Variants in TASP1 observed in about 807,000 individuals in gnomAD.
TASP1 encodes the protein threonine aspartase 1.
Under a neutral mutation model 56.6 loss-of-function variants are expected in TASP1, and 16 were observed. The ratio of observed to expected loss-of-function variants is 0.28; its 90% confidence interval spans 0.19 to 0.43. The LOEUF (loss-of-function observed/expected upper bound fraction) is 0.43, where lower values mean the gene tolerates loss of function less well. Ranked by LOEUF, TASP1 falls within the 20% of genes least tolerant of loss-of-function variation. The pLI is 1.00. For missense variants in TASP1, 393 were observed against 511.6 expected (o/e 0.77, Z 2.24); for synonymous variants, 179 against 184.2 (o/e 0.97, Z 0.23).
chr20:13,474,213 G>C (rs1030589915), intron 11 of TASP1, among the ~76,000 whole-genome samples: 4 of 152,188 alleles, frequency 2.6e-5, no homozygotes, highest in Non-Finnish European at 5.9e-5. Context: ...GGTTATTTCT[G>C]ATATTTTAGT....
the TASP1 span, among the ~76,000 whole-genome samples, chr20:13,122,227 G>T: frequency 6.6e-6 from 1 of 152,188 alleles, no homozygotes; most frequent in Non-Finnish European, 1.5e-5. Context: ...CTCCATCCCT[G>T]CTCTCAAGGA....
At chr20:13,252,962 C>T in the TASP1 span, among the ~76,000 whole-genome samples, 1 of 152,160 alleles carries the variant, frequency 6.6e-6, no homozygotes, top group Non-Finnish European at 1.5e-5. Context: ...TAATCTTCTG[C>T]CAGACCTCTG....
chr20:13,149,239 T>C, the TASP1 span, among the ~76,000 whole-genome samples: 782 of 152,344 alleles, frequency 5.1e-3, 4 homozygotes, highest in African/African-American at 0.018. Flanking sequence ...ACTACTTAAT[T>C]GGAGACTCTG....
chr20:13,422,924 T>C lies in TASP1; in HGVS notation c.1097-5403A>G, dbSNP rs139252002. 1.4e-3 allele frequency among the ~76,000 whole-genome samples: 218 copies of C among 152,340 alleles called. 3 individuals carry two copies. In the Middle Eastern group the frequency reaches 0.017, roughly 12 times the overall value. On this transcript the variant is annotated intron_variant, in intron 12 of 13. Coordinates refer to ENST00000337743, the MANE Select transcript of TASP1 (RefSeq NM_017714.3). ...TGGATTACAAATAAATGTTAGCAAG[T>C]AGGCAAATTAACAAATACAGAATCC... is the stretch of plus-strand genomic sequence containing the variant.
chr20:13,258,373 T>C, the TASP1 span, among the ~76,000 whole-genome samples: 4 of 152,036 alleles, frequency 2.6e-5, no homozygotes, highest in Non-Finnish European at 4.4e-5. Context: ...AGATGTGAGC[T>C]CTCCCTGGCT....
chr20:13,353,966 A>G, the TASP1 span, among the ~76,000 whole-genome samples: 1 of 152,216 alleles, frequency 6.6e-6, no homozygotes, highest in African/African-American at 2.4e-5. Context: ...AAACTTCAAA[A>G]AGTCTCACAA....
intron 11 of TASP1, among the ~76,000 whole-genome samples, chr20:13,462,043 G>A (rs1310968715): frequency 6.6e-6 from 1 of 152,086 alleles, no homozygotes; most frequent in African/African-American, 2.4e-5. Flanking sequence ...AAGGAGGCAG[G>A]ACCATCAGAG....
the TASP1 span, among the ~76,000 whole-genome samples, chr20:13,105,393 T>A: frequency 6.6e-6 from 1 of 152,150 alleles, no homozygotes; most frequent in Non-Finnish European, 1.5e-5. Context: ...CACAACGAAG[T>A]CCCTGACTTG....
chr20:13,399,968 C>T (rs2123642415), intron 13 of TASP1, among the ~76,000 whole-genome samples: 1 of 152,302 alleles, frequency 6.6e-6, no homozygotes, highest in East Asian at 1.9e-4. Context: ...TCTTGCCTTG[C>T]TCCCATAAAT....
chr20:13,593,388 C>T (rs936453440), intron 4 of TASP1, among the ~76,000 whole-genome samples: 5 of 152,062 alleles, frequency 3.3e-5, no homozygotes, highest in South Asian at 2.1e-4. Flanking sequence ...GAGGGTGAGC[C>T]GAAGCTGGGT....
the TASP1 span, among the ~76,000 whole-genome samples, chr20:13,159,751 A>G: frequency 6.6e-6 from 1 of 152,168 alleles, no homozygotes; most frequent in South Asian, 2.1e-4. Flanking sequence ...ATCCACAATT[A>G]TCTAATGAGT....
At chr20:13,487,835 T>C (rs866441977) in intron 10 of TASP1, among the ~76,000 whole-genome samples, 27 of 152,320 alleles carry the variant, frequency 1.8e-4, no homozygotes, top group Middle Eastern at 6.8e-3. Context: ...ATTTTAGGCT[T>C]TGAATGCTAC....
intron 4 of TASP1, among the ~76,000 whole-genome samples, chr20:13,609,408 G>A (rs912127009): frequency 3.9e-5 from 6 of 152,150 alleles, no homozygotes; most frequent in African/African-American, 1.4e-4. Flanking sequence ...CACAGGCCAA[G>A]CGCGGTGGCT....
intron 6 of TASP1, among the ~76,000 whole-genome samples, chr20:13,576,215 G>T (rs2046901812): frequency 7.1e-6 from 1 of 141,796 alleles, no homozygotes; most frequent in Non-Finnish European, 1.5e-5. Context: ...AGGGGGAGGG[G>T]AGGGGAGGGG....
At chr20:13,129,309 G>C in the TASP1 span, among the ~76,000 whole-genome samples, 1 of 152,116 alleles carries the variant, frequency 6.6e-6, no homozygotes, top group Admixed American at 6.5e-5. Flanking sequence ...TCTTAAACAG[G>C]TATCTTTTAA....
intron 13 of TASP1, 68 bp downstream of exon 13, chr20:13,417,380 C>T (rs1211423898): frequency 3.2e-6 from 5 of 1,558,976 alleles, no homozygotes; most frequent in Admixed American, 1.8e-5. Context: ...TCCACATCAA[C>T]TTAGCTGGTT....
intron 11 of TASP1, among the ~76,000 whole-genome samples, 189 bp from the exon 12 acceptor site, chr20:13,435,343 G>A (rs2042964314): frequency 6.6e-6 from 1 of 152,078 alleles, no homozygotes; most frequent in African/African-American, 2.4e-5. Flanking sequence ...GGGGCCATTT[G>A]GCAAAGAAAA....
the TASP1 span, among the ~76,000 whole-genome samples, chr20:13,327,224 G>C: frequency 6.6e-6 from 1 of 152,004 alleles, no homozygotes; most frequent in Admixed American, 6.6e-5. Flanking sequence ...GCTACAAAAA[G>C]AATAAAATAC....
the TASP1 span, among the ~76,000 whole-genome samples, chr20:13,195,931 A>C: frequency 6.6e-6 from 1 of 152,176 alleles, no homozygotes; most frequent in Non-Finnish European, 1.5e-5. Context: ...GCCTGCCTCC[A>C]GAAAAGATAA....
Sources: gnomAD v4.1 joint callset for allele counts (sites outside exome capture counted in the v4.1 genomes callset) on GRCh38, gnomAD v4.1.1 for gene constraint, MANE v1.5 for transcripts, NCBI Gene and HGNC (gene_info 2026-07-23, HGNC 2026-07-21) for gene names.